RARS2: variants seen among roughly 807,000 people sequenced by gnomAD.
RARS2 encodes the protein probable arginine--tRNA ligase, mitochondrial.
Under a neutral mutation model 88.5 loss-of-function variants are expected in RARS2, and 67 were observed. That is an observed-to-expected ratio of 0.76 (90% confidence interval 0.62 to 0.93). The LOEUF is 0.93. Ranked by LOEUF, RARS2 falls within the 40% of genes least tolerant of loss-of-function variation. RARS2 has a pLI of 0.00. For synonymous variants in RARS2, 239 were observed against 230.3 expected, an observed-to-expected ratio of 1.04 and a Z score of -0.34; for missense variants, 664 against 684.2, an observed-to-expected ratio of 0.97 and a Z score of 0.33.
chr6:87,530,723 C>T (rs994229173), intron 9 of RARS2, 61 bp downstream of exon 9: 9 of 1,566,738 alleles, frequency 5.7e-6, no homozygotes, highest in Non-Finnish European at 7.9e-6. Flanking sequence ...CTTTACTATG[C>T]AGGTAACAGC....
intron 8 of RARS2, among the ~76,000 whole-genome samples, chr6:87,532,339 C>T (rs540123943): frequency 1.6e-4 from 24 of 152,232 alleles, no homozygotes; most frequent in African/African-American, 5.1e-4. Context: ...ATGTCTCCAC[C>T]AACTTAACTG....
chr6:87,582,470 G>A (rs944586192), intron 1 of RARS2, among the ~76,000 whole-genome samples: 8 of 152,084 alleles, frequency 5.3e-5, no homozygotes, highest in African/African-American at 1.9e-4. Flanking sequence ...GTTCCTTGTA[G>A]GTTCTGGATA....
chr6:87,585,732 A>C (rs918409614), intron 1 of RARS2, among the ~76,000 whole-genome samples: 4 of 150,972 alleles, frequency 2.6e-5, no homozygotes, highest in African/African-American at 9.8e-5. Flanking sequence ...ACTCCATCTC[A>C]AAATAAATAA....
chr6:87,526,309 A>AG (rs1305380054), intron 10 of RARS2, among the ~76,000 whole-genome samples: 20 of 152,214 alleles, frequency 1.3e-4, no homozygotes, highest in Non-Finnish European at 2.5e-4. Context: ...TGAAGCCAAG[A>AG]GTTCAAGACC....
At chr6:87,547,261 T>G (rs1236322193) in intron 6 of RARS2, among the ~76,000 whole-genome samples, 3 of 152,260 alleles carry the variant, frequency 2.0e-5, no homozygotes, top group Non-Finnish European at 4.4e-5. Context: ...ATAGCTTTTT[T>G]TATACTGTAT....
At chr6:87,516,033 TC>T (rs1562045202) in intron 18 of RARS2, 3 of 149,820 alleles carry the variant, frequency 2.0e-5, no homozygotes, top group African/African-American at 7.4e-5. Flanking sequence ...AAGAAAAAAA[TC>T]CTTACATAAA....
intron 19 of RARS2, 133 bp from the exon 20 acceptor site, chr6:87,514,632 T>C (rs898097601): frequency 2.2e-5 from 18 of 811,116 alleles, no homozygotes; most frequent in South Asian, 7.4e-5. Context: ...AGAGTTACTA[T>C]AGGCAAGAGA....
rs931001736 is a variant in RARS2, at chr6:87,564,137, G to C, written c.206C>G (p.Ala69Gly). 6.2e-7 allele frequency: 1 copy of C among 1,603,114 alleles called. No individual in the cohort carries two copies. Among genetic ancestry groups the C allele is most frequent in the Admixed American group, 1.7e-5 (1 of 59,992 alleles). The change falls in exon 3 of 20, where the codon GCA becomes GGA. Residue 69 changes from alanine to glycine, a missense_variant. Ala to Gly is a moderately conservative substitution (Grantham distance 60, BLOSUM62 0). Coordinates refer to ENST00000369536, the MANE Select transcript of RARS2 (RefSeq NM_020320.5). Reference protein sequence around the residue: ...PDIQVQAKRLAEKLRCDTVVS... With the variant: ...PDIQVQAKRLGEKLRCDTVVS... ...ATAATAGTGCTAACGTACCTTCTCT[G>C]CTAGTCTCTTGGCTTGAACTTGAAT...
At chr6:87,589,872 T>C in intron 1 of RARS2, 50 bp downstream of exon 1, 1 of 1,612,658 alleles carries the variant, frequency 6.2e-7, no homozygotes, top group Non-Finnish European at 8.5e-7. Flanking sequence ...GAAAGGCCTT[T>C]GGGGTCCCTA....
intron 1 of RARS2, among the ~76,000 whole-genome samples, chr6:87,585,748 T>TAAATAAATAAATAA (rs1554226707): frequency 6.6e-6 from 1 of 151,580 alleles, no homozygotes; most frequent in Non-Finnish European, 1.5e-5. Flanking sequence ...AATAAATAAA[T>TAAATAAATAAATAA]AAATAAAAAT....
At chr6:87,586,623 C>T (rs1775233420) in intron 1 of RARS2, among the ~76,000 whole-genome samples, 1 of 152,214 alleles carries the variant, frequency 6.6e-6, no homozygotes, top group Admixed American at 6.5e-5. Context: ...TCACTTTTAG[C>T]CTTGGGACTG....
chr6:87,550,015 C>T (rs1402076893), intron 5 of RARS2, among the ~76,000 whole-genome samples: 2 of 152,180 alleles, frequency 1.3e-5, no homozygotes, highest in Non-Finnish European at 2.9e-5. Flanking sequence ...AAATTCTGGT[C>T]TGTCTCCAAA....
chr6:87,529,889 AT>A (rs1296709659), intron 9 of RARS2, among the ~76,000 whole-genome samples: 1 of 142,676 alleles, frequency 7.0e-6, no homozygotes, highest in East Asian at 2.1e-4. Flanking sequence ...GGACCTCATT[AT>A]TTTTGTTTAA....
At chr6:87,529,913 AT>A (rs1776918215) in intron 9 of RARS2, among the ~76,000 whole-genome samples, 1 of 149,776 alleles carries the variant, frequency 6.7e-6, no homozygotes, top group African/African-American at 2.5e-5. Context: ...AAAAAAAAAA[AT>A]CACTCCTCTT....
intron 4 of RARS2, among the ~76,000 whole-genome samples, chr6:87,558,173 G>A (rs564775736): frequency 6.8e-6 from 1 of 147,846 alleles, no homozygotes; most frequent in African/African-American, 2.5e-5. Context: ...GCAAAACTCC[G>A]TCTCAAAGAA....
chr6:87,530,793 C>A lies in RARS2; in HGVS notation c.762G>T (p.Arg254=). 1 of 1,614,130 alleles carries A rather than the reference C, an allele frequency of 6.2e-7. No homozygotes were observed. Among genetic ancestry groups the A allele is most frequent in the Admixed American group, 1.7e-5 (1 of 60,008 alleles). The part of the protein sequence containing the change: ...FRDLSIEEYI[R]VYKRLGVYFD... The stretch of plus-strand genomic sequence containing the variant: ...GAGGGTCAACCAATACCTTGTAAAC[C>A]CGAATGTACTCTTCAATGCTCAAGT... The change falls in exon 9 of 20, where the codon CGG becomes CGT. Residue 254 remains arginine (R), a synonymous_variant. Transcript: ENST00000369536.
At chr6:87,536,563 G>T (rs1779243238) in intron 8 of RARS2, among the ~76,000 whole-genome samples, 1 of 151,726 alleles carries the variant, frequency 6.6e-6, no homozygotes, top group Middle Eastern at 3.4e-3. Context: ...TTTGAACCCG[G>T]GAGGCAGAGG....
intron 14 of RARS2, 76 bp downstream of exon 14, chr6:87,519,507 T>A (rs368898560): frequency 6.7e-7 from 1 of 1,488,904 alleles, no homozygotes; most frequent in Non-Finnish European, 9.3e-7. Flanking sequence ...ACATAATAAA[T>A]CACACTGCCC....
chr6:87,518,868 G>C lies in RARS2; in HGVS notation c.1261C>G (p.Gln421Glu), dbSNP rs1726024963. The change falls in exon 15 of 20, where the codon CAA becomes GAA. Residue 421 changes from glutamine (Q) to glutamate (E), a missense_variant. Transcript: ENST00000369536. ...AGCCCGACCCTCTCTGCAGTCTCTT[G>C]TGGGTTCTTGAGTTCTTTAGTTGCT... ...IKTTKELKNP[Q>E]ETAERVGLAA... 2 of 1,613,946 alleles carry C rather than the reference G, an allele frequency of 1.2e-6. No individual in the cohort carries two copies. Among genetic ancestry groups the C allele is most frequent in the African/African-American group, 2.7e-5 (2 of 74,880 alleles).
Sources: gnomAD v4.1 joint callset for allele counts (sites outside exome capture counted in the v4.1 genomes callset) on GRCh38, gnomAD v4.1.1 for gene constraint, MANE v1.5 for transcripts, NCBI Gene and HGNC (gene_info 2026-07-23, HGNC 2026-07-21) for gene names.